TACC2: variants seen among roughly 807,000 people sequenced by gnomAD.
The protein encoded by TACC2 is transforming acidic coiled-coil-containing protein 2.
A neutral mutation model predicts 227.3 loss-of-function variants in TACC2; 137 were observed. The ratio of observed to expected loss-of-function variants is 0.60; its 90% CI spans 0.52 to 0.69. The LOEUF (loss-of-function observed/expected upper bound fraction) is 0.69. Among genes scored for constraint, TACC2 ranks in the 30% least tolerant of loss-of-function variants. The probability of loss-of-function intolerance (pLI) is 0.00; values close to 1 mark genes in which losing one functional copy is unlikely to be tolerated. For missense variants in TACC2, 3,470 were observed against 3,694.4 expected (o/e 0.94, Z 1.57); for synonymous variants, 1,523 against 1,487.5 (o/e 1.02, Z -0.55).
intron 8 of TACC2, among the ~76,000 whole-genome samples, chr10:122,196,708 G>A (rs935663652): frequency 2.0e-5 from 3 of 152,094 alleles, no homozygotes; most frequent in African/African-American, 2.4e-5. Flanking sequence ...TGGCCGAGGC[G>A]GGCAGATCAT....
At chr10:121,998,647 A>G (rs1358685972) in intron 1 of TACC2, among the ~76,000 whole-genome samples, 2 of 152,194 alleles carry the variant, frequency 1.3e-5, no homozygotes, top group African/African-American at 4.8e-5. Context: ...TGACCTAAAA[A>G]GGGGAAATTC....
At chr10:122,131,177 CAA>C (rs10572276) in intron 5 of TACC2, among the ~76,000 whole-genome samples, 28,375 of 95,578 alleles carry the variant, frequency 0.3, 4,034 homozygotes, top group African/African-American at 0.49. Context: ...GACGCTTTCT[CAA>C]AAAAAAAAAA....
intron 2 of TACC2, among the ~76,000 whole-genome samples, chr10:122,031,363 C>CCTTCCATG (rs1345072351): frequency 6.6e-6 from 1 of 151,216 alleles, no homozygotes; most frequent in Admixed American, 6.6e-5. Context: ...GCAGGTCCAG[C>CCTTCCATG]CTTCCATGCT....
At chr10:122,136,543 G>GTATATATATA (rs747076679) in intron 6 of TACC2, among the ~76,000 whole-genome samples, 2,643 of 142,904 alleles carry the variant, frequency 0.018, 41 homozygotes, top group South Asian at 0.04. Flanking sequence ...TTGTGTGTGT[G>GTATATATATA]TGTATATATA....
chr10:122,054,227 C>G (rs1480918606), intron 3 of TACC2, among the ~76,000 whole-genome samples: 1 of 152,232 alleles, frequency 6.6e-6, no homozygotes, highest in Non-Finnish European at 1.5e-5. Flanking sequence ...CGTGGTGGCG[C>G]TGTTGTAACT....
intron 2 of TACC2, among the ~76,000 whole-genome samples, chr10:122,028,887 G>C (rs1379092679): frequency 2.8e-4 from 3 of 10,746 alleles, no homozygotes; most frequent in Admixed American, 1.3e-3. Context: ...CCTTCCCTCC[G>C]CTCCCCTCCC....
chr10:122,192,507 T>C lies in TACC2; in HGVS notation c.5835-2533T>C, dbSNP rs2094442299. Reference sequence around the variant, plus strand: ...AGTACTCAGGCTTTCCTCGAATCTCTGCTTGAGTGGGGCAGCCTCGGGGCC... The same window carrying C: ...AGTACTCAGGCTTTCCTCGAATCTCCGCTTGAGTGGGGCAGCCTCGGGGCC... On this transcript the variant is annotated intron_variant, in intron 7 of 22. Transcript: ENST00000369005. 2.5e-5 allele frequency: 9 copies of C among 358,608 alleles called. 1 individual carries two copies. The highest frequency in any genetic ancestry group is 1.6e-4 in the South Asian group (8 of 49,340). The allele number at this position is 358,608 out of a possible 1,614,324, so 22.2% of individuals were successfully genotyped here.
intron 7 of TACC2, among the ~76,000 whole-genome samples, chr10:122,164,596 C>T (rs914375932): frequency 1.3e-5 from 2 of 152,250 alleles, no homozygotes; most frequent in African/African-American, 4.8e-5. Flanking sequence ...TCTTTTCTCT[C>T]AACCACAGAG....
At chr10:122,103,147 T>A (rs1213641644) in intron 5 of TACC2, among the ~76,000 whole-genome samples, 2 of 151,294 alleles carry the variant, frequency 1.3e-5, no homozygotes, top group African/African-American at 4.8e-5. Context: ...AAATGGATCT[T>A]ATGAGTGTGA....
At chr10:122,126,188 A>G (rs1171170414) in intron 5 of TACC2, among the ~76,000 whole-genome samples, 1 of 152,150 alleles carries the variant, frequency 6.6e-6, no homozygotes, top group Non-Finnish European at 1.5e-5. Flanking sequence ...TCTGTCCTAC[A>G]TGGACTAACT....
chr10:121,999,838 C>T (rs1954053558), intron 1 of TACC2, among the ~76,000 whole-genome samples: 1 of 152,212 alleles, frequency 6.6e-6, no homozygotes, highest in Non-Finnish European at 1.5e-5. Flanking sequence ...TCACTCCTTC[C>T]AGAGCTTCGG....
At chr10:122,204,616 G>A (rs1304282548) in intron 8 of TACC2, among the ~76,000 whole-genome samples, 1 of 152,180 alleles carries the variant, frequency 6.6e-6, no homozygotes, top group Non-Finnish European at 1.5e-5. Context: ...TGGGAGGATC[G>A]CTGGAGCCCA....
chr10:122,234,935 C>A lies in TACC2; in HGVS notation c.8128-2460C>A, dbSNP rs573762508. Reference sequence around the variant, plus strand: ...ACCTTGTGCCCCAGTCTCTGAGATTCTCCATTTTATTCATCTTCAGAAGGT... The same window carrying A: ...ACCTTGTGCCCCAGTCTCTGAGATTATCCATTTTATTCATCTTCAGAAGGT... On this transcript the variant is annotated intron_variant, in intron 16 of 22. Coordinates refer to ENST00000369005, the MANE Select transcript of TACC2 (RefSeq NM_206862.4). Among the ~76,000 whole-genome samples, 3 of 152,272 alleles carry A rather than the reference C, an allele frequency of 2.0e-5. No homozygotes were observed. The South Asian group carries it at 6.2e-4, about 32-fold the overall frequency.
intron 5 of TACC2, among the ~76,000 whole-genome samples, chr10:122,121,728 C>A (rs2085846440): frequency 6.6e-6 from 1 of 152,132 alleles, no homozygotes; most frequent in Non-Finnish European, 1.5e-5. Context: ...TTCCTTGGTT[C>A]ATTCATTCCA....
At chr10:122,078,580 C>T (rs1351015570) in intron 3 of TACC2, among the ~76,000 whole-genome samples, 11 of 152,214 alleles carry the variant, frequency 7.2e-5, no homozygotes, top group Non-Finnish European at 1.5e-5. Flanking sequence ...GCAGTGCCCC[C>T]AGAGGGTGAA....
At chr10:122,002,052 T>C (rs1457204014) in intron 1 of TACC2, among the ~76,000 whole-genome samples, 3 of 152,220 alleles carry the variant, frequency 2.0e-5, no homozygotes, top group African/African-American at 7.2e-5. Context: ...TTTCTCACAG[T>C]TCTGGAGGCT....
chr10:122,117,356 GC>G (rs1363807025), intron 5 of TACC2, among the ~76,000 whole-genome samples: 1 of 151,842 alleles, frequency 6.6e-6, no homozygotes, highest in Admixed American at 6.6e-5. Context: ...ACCATGCCCG[GC>G]TAATTTTTTG....
chr10:122,172,644 G>A (rs1193632987), intron 7 of TACC2, among the ~76,000 whole-genome samples: 1 of 152,182 alleles, frequency 6.6e-6, no homozygotes, highest in Non-Finnish European at 1.5e-5. Context: ...ATCCTGCATG[G>A]AACTTCCCAG....
chr10:122,048,955 T>C (rs2075362997), intron 2 of TACC2, among the ~76,000 whole-genome samples: 1 of 152,238 alleles, frequency 6.6e-6, no homozygotes, highest in African/African-American at 2.4e-5. Flanking sequence ...TTCAGTAAGT[T>C]ATTCTGCTGT....
Sources: gnomAD v4.1 joint callset for allele counts (sites outside exome capture counted in the v4.1 genomes callset) on GRCh38, gnomAD v4.1.1 for gene constraint, MANE v1.5 for transcripts, NCBI Gene and HGNC (gene_info 2026-07-23, HGNC 2026-07-21) for gene names.